The following CEP57L1 variants were observed in gnomAD, a reference collection of about 807,000 sequenced individuals.
CEP57L1 encodes the protein centrosomal protein 57 like 1, also known as centrosomal protein CEP57L1.
CEP57L1 carries 37 observed loss-of-function variants against 61.0 expected under a neutral mutation model. The observed-to-expected ratio is 0.61, with a 90% CI of 0.47 to 0.80. The LOEUF is 0.80. Ranked by LOEUF, CEP57L1 falls within the 30% of genes least tolerant of loss-of-function variation. The probability of loss-of-function intolerance (pLI) is 0.00; values close to 1 mark genes in which losing one functional copy is unlikely to be tolerated. For missense variants in CEP57L1, 422 were observed against 524.7 expected (o/e 0.80, Z 1.91); for synonymous variants, 137 against 162.3 (o/e 0.84, Z 1.19).
At position 109,129,813 on chromosome 6, in the gene CEP57L1, T is replaced by A. The variant is rs891816353; in HGVS notation, c.-3-15406T>A. ...CGCAGGTTTATATCTTTCTTTAAAA[T>A]TTTTTTTTTAATTTAAAATTTAAAA... On this transcript the variant is annotated intron_variant, in intron 1 of 10. Coordinates refer to ENST00000517392, the MANE Select transcript of CEP57L1 (RefSeq NM_001271852.3). 6.1e-5 allele frequency among the ~76,000 whole-genome samples: 9 copies of A among 146,596 alleles called. No homozygotes were observed. In the East Asian group the frequency reaches 9.7e-4, roughly 16 times the overall value.
In CEP57L1 at chr6:109,164,550, A is replaced by G. The variant is rs1181142536; in HGVS notation, c.*1580A>G. On this transcript the variant is annotated 3_prime_UTR_variant, in exon 11 of 11. Coordinates refer to ENST00000517392, the MANE Select transcript of CEP57L1 (RefSeq NM_001271852.3). ...TCCATAGGGTGTTTGATCTAAACTC[A>G]GTTGCATCACCTTACCTGTTTTTCT... Among the ~76,000 whole-genome samples the G allele has an allele frequency of 6.6e-6, 1 of 152,090 alleles. No homozygotes were observed. The highest frequency in any genetic ancestry group is 6.6e-5 in the Admixed American group (1 of 15,254).
chr6:109,102,635 A>T (rs1377065137), intron 1 of CEP57L1, among the ~76,000 whole-genome samples: 1 of 151,866 alleles, frequency 6.6e-6, no homozygotes, highest in African/African-American at 2.4e-5. Flanking sequence ...ATATAGGTTT[A>T]TGATCCATTT....
At chr6:109,104,508 A>G (rs1404895204) in intron 1 of CEP57L1, among the ~76,000 whole-genome samples, 3 of 152,192 alleles carry the variant, frequency 2.0e-5, no homozygotes, top group Non-Finnish European at 4.4e-5. Context: ...CTGGCAGTTC[A>G]TGGGAATTTT....
rs1773866635 is a variant in CEP57L1 at position 109,163,086 on chromosome 6, A to G, written c.*116A>G. 4.3e-6 allele frequency: 3 copies of G among 700,258 alleles called. No individual in the cohort carries two copies. Among genetic ancestry groups the G allele is most frequent in the Non-Finnish European group, 7.1e-6 (3 of 421,456 alleles). The allele number at this position is 700,258 out of a possible 1,614,324, so 43.4% of individuals were successfully genotyped here. ...TTTGAATCATGTTTCTAGTTTCTAT[A>G]AAACATGAAGTTGCAGTATTTAAAA... is the stretch of plus-strand genomic sequence containing the variant. On this transcript the variant is annotated 3_prime_UTR_variant, in exon 11 of 11. Transcript: ENST00000517392.
chr6:109,143,758 C>T (rs1771668616), intron 1 of CEP57L1, among the ~76,000 whole-genome samples: 1 of 152,130 alleles, frequency 6.6e-6, no homozygotes, highest in Admixed American at 6.5e-5. Flanking sequence ...CCAAGGACTT[C>T]AGTGTGTAGT....
At chr6:109,134,525 C>G (rs1012694618) in intron 1 of CEP57L1, among the ~76,000 whole-genome samples, 2 of 152,170 alleles carry the variant, frequency 1.3e-5, no homozygotes, top group Non-Finnish European at 2.9e-5. Context: ...CCCTCTGTCA[C>G]CACTCCTATT....
Position 109,165,195 on chromosome 6 carries a change from G to A in CEP57L1, c.*2225G>A, listed in dbSNP as rs910357319. On this transcript the variant is annotated 3_prime_UTR_variant, in exon 11 of 11. Transcript: ENST00000517392. ...CACAACTTCAGAGCTAGGAAACTTG[G>A]TTTCAAATTCTGGGACTCTACCATT... Among the ~76,000 whole-genome samples the A allele has an allele frequency of 6.6e-6, 1 of 152,038 alleles. No homozygotes were observed. Among genetic ancestry groups the A allele is most frequent in the African/African-American group, 2.4e-5 (1 of 41,390 alleles).
At chr6:109,097,040 G>GT (rs1238248108) in intron 1 of CEP57L1, among the ~76,000 whole-genome samples, 1 of 152,152 alleles carries the variant, frequency 6.6e-6, no homozygotes, top group East Asian at 1.9e-4. Flanking sequence ...CAAATGCATA[G>GT]TTATCTCTTA....
chr6:109,113,611 A>C (rs117790413), intron 1 of CEP57L1, among the ~76,000 whole-genome samples: 1 of 152,208 alleles, frequency 6.6e-6, no homozygotes, highest in Non-Finnish European at 1.5e-5. Flanking sequence ...TATAAGTCAC[A>C]GCATTATTTT....
chr6:109,145,333 A>G lies in CEP57L1; in HGVS notation c.112A>G (p.Asn38Asp), dbSNP rs546841376. 2 of 1,611,890 alleles carry G rather than the reference A, an allele frequency of 1.2e-6. No individual in the cohort carries two copies. The highest frequency in any genetic ancestry group is 4.5e-5 in the East Asian group (2 of 44,748). Residue 38 changes from asparagine (N) to aspartate (D), a missense_variant, in exon 2 of 11, where the codon AAC becomes GAC. Asn to Asp is a conservative substitution (Grantham distance 23). Transcript: ENST00000517392. ...ACCATCTCAGAATTGCCATCCTGCA[A>G]ACTTAGAAGTTACCTCTCCTAAGAT... ...NEPSQNCHPA[N>D]LEVTSPKILH... is the part of the protein sequence containing the mutation.
chr6:109,125,259 T>C lies in CEP57L1; in HGVS notation c.-3-19960T>C, dbSNP rs1003252597. On this transcript the variant is annotated intron_variant, in intron 1 of 10. Coordinates refer to ENST00000517392, the MANE Select transcript of CEP57L1 (RefSeq NM_001271852.3). Reference sequence around the variant, plus strand: ...AAAGGAAGGAAAGCAGTTTAAACACTTTAGGAGTCTTTCTTTTAAAACTAG... The same window carrying C: ...AAAGGAAGGAAAGCAGTTTAAACACCTTAGGAGTCTTTCTTTTAAAACTAG... 1.3e-5 allele frequency among the ~76,000 whole-genome samples: 2 copies of C among 152,114 alleles called. 1 individual carries two copies. The highest frequency in any genetic ancestry group is 2.9e-5 in the Non-Finnish European group (2 of 68,018).
intron 1 of CEP57L1, among the ~76,000 whole-genome samples, chr6:109,120,905 GACACACGCACACACACACACACACAC>G (rs1293146134): frequency 7.8e-6 from 1 of 128,298 alleles, no homozygotes; most frequent in Non-Finnish European, 1.6e-5. Context: ...CCTATACTTA[GACACACGCACACACACACACACACAC>G]ACACACACAC....
chr6:109,096,940 A>G (rs1479973341), intron 1 of CEP57L1, among the ~76,000 whole-genome samples: 2 of 152,198 alleles, frequency 1.3e-5, no homozygotes, highest in African/African-American at 4.8e-5. Context: ...GAATAGCTCC[A>G]TTCAGCTTCA....
chr6:109,154,119 CA>C (rs1473568384), intron 5 of CEP57L1, among the ~76,000 whole-genome samples, 170 bp downstream of exon 5: 1 of 152,176 alleles, frequency 6.6e-6, no homozygotes, highest in Non-Finnish European at 1.5e-5. Context: ...TGCGTTCTGT[CA>C]CAGTATGAAT....
chr6:109,147,331 T>A (rs1034032505), intron 3 of CEP57L1, among the ~76,000 whole-genome samples: 5 of 152,034 alleles, frequency 3.3e-5, no homozygotes, highest in African/African-American at 1.2e-4. Context: ...ACACTAGTAA[T>A]TAAACAATGT....
At chr6:109,095,190 GC>G (rs1562483756), upstream of CEP57L1, 1 of 985,398 alleles carries the variant, frequency 1.0e-6, no homozygotes, top group East Asian at 1.1e-4. Context: ...CTAAGCTTGC[GC>G]CCTGAGGCGG....
chr6:109,117,962 C>T (rs754092188), intron 1 of CEP57L1, among the ~76,000 whole-genome samples: 4 of 152,130 alleles, frequency 2.6e-5, no homozygotes, highest in Admixed American at 6.5e-5. Flanking sequence ...ACATTGGAAA[C>T]GGATGAAAAA....
At chr6:109,158,488 CA>C (rs909029508) in intron 7 of CEP57L1, 5,769 of 310,482 alleles carry the variant, frequency 0.019, no homozygotes, top group South Asian at 0.03. Flanking sequence ...GACCCTATCT[CA>C]AAAAAAAAAG....
chr6:109,135,096 G>T (rs909295246), intron 1 of CEP57L1, among the ~76,000 whole-genome samples: 309 of 152,100 alleles, frequency 2.0e-3, no homozygotes, highest in Non-Finnish European at 3.0e-3. Flanking sequence ...AAAAGAGCCC[G>T]CATCGCCAAG....
Sources: allele counts gnomAD v4.1 joint callset (sites outside exome capture counted in the v4.1 genomes callset), GRCh38; gene constraint gnomAD v4.1.1; transcripts MANE v1.5; gene names NCBI Gene and HGNC (gene_info 2026-07-23, HGNC 2026-07-21).